Variants in ADAMTS19 observed in about 807,000 individuals in gnomAD.
ADAMTS19 encodes A disintegrin and metalloproteinase with thrombospondin motifs 19.
ADAMTS19 carries 93 observed loss-of-function variants against 153.3 expected under a neutral mutation model. That is an observed-to-expected ratio of 0.61 (90% confidence interval 0.51 to 0.72). The LOEUF is 0.72. Ranked by LOEUF, ADAMTS19 falls within the 30% of genes least tolerant of loss-of-function variation. ADAMTS19 has a pLI of 0.00. For synonymous variants in ADAMTS19, 600 were observed against 556.6 expected (o/e 1.08, Z -1.10); for missense variants, 1,482 against 1,552.1 (o/e 0.95, Z 0.76).
chr5:129,539,329 C>G (rs977442704), intron 6 of ADAMTS19, among the ~76,000 whole-genome samples: 3 of 152,024 alleles, frequency 2.0e-5, no homozygotes, highest in African/African-American at 7.2e-5. Context: ...ATGCTATAAA[C>G]CCAGTTTTGC....
chr5:129,658,842 A>G (rs1753706985), intron 15 of ADAMTS19, 105 bp downstream of exon 15: 1 of 1,201,704 alleles, frequency 8.3e-7, no homozygotes, highest in South Asian at 1.9e-5. Flanking sequence ...TCTATTGAAG[A>G]CTTGCAATGG....
chr5:129,661,394 C>G (rs568488243), intron 15 of ADAMTS19, among the ~76,000 whole-genome samples: 1 of 152,170 alleles, frequency 6.6e-6, no homozygotes, highest in African/African-American at 2.4e-5. Context: ...ATCACAGGCA[C>G]CATCTACTTT....
intron 2 of ADAMTS19, among the ~76,000 whole-genome samples, chr5:129,463,264 T>C (rs765953286): frequency 6.6e-6 from 1 of 152,216 alleles, no homozygotes; most frequent in Non-Finnish European, 1.5e-5. Flanking sequence ...TGTGCACTTT[T>C]GGTCAGATTT....
intron 11 of ADAMTS19, 115 bp from the exon 12 acceptor site, chr5:129,647,650 A>G (rs1299719442): frequency 1.6e-6 from 2 of 1,247,812 alleles, no homozygotes; most frequent in Non-Finnish European, 2.2e-6. Flanking sequence ...CTAATTCCCC[A>G]TGTTTGTGGC....
At chr5:129,508,220 C>T (rs1751326692) in intron 2 of ADAMTS19, among the ~76,000 whole-genome samples, 1 of 151,676 alleles carries the variant, frequency 6.6e-6, no homozygotes, top group South Asian at 2.1e-4. Flanking sequence ...AAACTATTTG[C>T]TAAAGAGATA....
intron 18 of ADAMTS19, among the ~76,000 whole-genome samples, chr5:129,690,198 A>G (rs1167673628): frequency 1.3e-5 from 2 of 152,350 alleles, no homozygotes; most frequent in Non-Finnish European, 2.9e-5. Context: ...AAGTCAGATA[A>G]TAATAAAATC....
At chr5:129,716,386 A>C (rs1375980008) in intron 21 of ADAMTS19, among the ~76,000 whole-genome samples, 1 of 151,856 alleles carries the variant, frequency 6.6e-6, no homozygotes, top group South Asian at 2.1e-4. Context: ...TTTAGTAGAG[A>C]TGGGGTTTTG....
chr5:129,682,259 A>C (rs2127122590), intron 17 of ADAMTS19, among the ~76,000 whole-genome samples: 1 of 152,224 alleles, frequency 6.6e-6, no homozygotes, highest in South Asian at 2.1e-4. Flanking sequence ...CTTCTAAGAT[A>C]TTTTTTCTTT....
intron 8 of ADAMTS19, among the ~76,000 whole-genome samples, chr5:129,608,140 A>ATATATATATATATATATATATATAT (rs1164899419): frequency 3.8e-4 from 51 of 132,862 alleles, no homozygotes; most frequent in South Asian, 1.0e-3. Context: ...ATATATATAT[A>ATATATATATATATATATATATATAT]ATGGAACATT....
chr5:129,638,764 T>G (rs1214323061), intron 10 of ADAMTS19, among the ~76,000 whole-genome samples: 1 of 152,180 alleles, frequency 6.6e-6, no homozygotes, highest in Non-Finnish European at 1.5e-5. Context: ...AAGGATTAAT[T>G]ATTACTTCAA....
At chr5:129,603,046 C>T (rs554223921) in intron 8 of ADAMTS19, among the ~76,000 whole-genome samples, 16 of 151,100 alleles carry the variant, frequency 1.1e-4, no homozygotes, top group African/African-American at 3.4e-4. Context: ...AGAGTCTTGA[C>T]GTGAAAAAAA....
intron 6 of ADAMTS19, among the ~76,000 whole-genome samples, chr5:129,542,581 T>C (rs1010888450): frequency 6.6e-6 from 1 of 152,132 alleles, no homozygotes; most frequent in Non-Finnish European, 1.5e-5. Flanking sequence ...GGTGACTGCT[T>C]GGAAAAAGTA....
chr5:129,549,919 TATGTATCTATATATACATATAC>T (rs961386376), intron 6 of ADAMTS19, among the ~76,000 whole-genome samples: 5 of 123,092 alleles, frequency 4.1e-5, no homozygotes, highest in Non-Finnish European at 6.6e-5. Context: ...TATATGTATA[TATGTATCTATATATACATATAC>T]ATGTATCTGT....
At chr5:129,586,084 C>T (rs760642150) in intron 7 of ADAMTS19, among the ~76,000 whole-genome samples, 4 of 152,038 alleles carry the variant, frequency 2.6e-5, no homozygotes, top group African/African-American at 4.8e-5. Context: ...TCTTACACCC[C>T]CTGTCCACAC....
chr5:129,509,282 A>C, intron 3 of ADAMTS19, 40 bp downstream of exon 3: 1 of 1,564,094 alleles, frequency 6.4e-7, no homozygotes, highest in South Asian at 1.2e-5. Context: ...GTAAATATTC[A>C]ATGTGAGATG....
At chr5:129,526,880 T>C (rs1351103767) in intron 4 of ADAMTS19, among the ~76,000 whole-genome samples, 3 of 151,852 alleles carry the variant, frequency 2.0e-5, no homozygotes, top group Non-Finnish European at 4.4e-5. Context: ...AGAGGTATAC[T>C]TTTGGTGAAA....
chr5:129,577,432 G>GA (rs1749192805), intron 7 of ADAMTS19, among the ~76,000 whole-genome samples: 2 of 152,038 alleles, frequency 1.3e-5, no homozygotes, highest in Non-Finnish European at 2.9e-5. Flanking sequence ...AACTGATATA[G>GA]AAAAAATAGC....
At position 129,571,500 on chromosome 5, in the gene ADAMTS19, C is replaced by T. The variant is rs563821352; in HGVS notation, c.1372+19593C>T. Among the ~76,000 whole-genome samples, 215 of 151,560 alleles carry T rather than the reference C, an allele frequency of 1.4e-3. 2 individuals are homozygous for T. The highest frequency in any genetic ancestry group is 5.0e-3 in the African/African-American group (209 of 41,402). On this transcript the variant is annotated intron_variant, in intron 7 of 22. Transcript: ENST00000274487. The stretch of plus-strand genomic sequence containing the variant: ...AGGTACAAAATCTGTATACTAGGAT[C>T]TACAAAATGCCGATGGGAGCAATAA...
At chr5:129,658,799 A>T (rs17839592) in intron 15 of ADAMTS19, 62 bp downstream of exon 15, 145,473 of 1,483,620 alleles carry the variant, frequency 0.098, 8,301 homozygotes, top group African/African-American at 0.23. Flanking sequence ...CACAGATTAT[A>T]TTGAATTTAA....
Sources: gnomAD v4.1 joint callset for allele counts (sites outside exome capture counted in the v4.1 genomes callset) on GRCh38, gnomAD v4.1.1 for gene constraint, MANE v1.5 for transcripts, NCBI Gene and HGNC (gene_info 2026-07-23, HGNC 2026-07-21) for gene names.